Variants in NCAM2 observed in about 807,000 individuals in gnomAD.
NCAM2 encodes neural cell adhesion molecule 2.
In NCAM2, 30 loss-of-function variants were observed where a neutral mutation model predicts 98.1. The observed-to-expected ratio is 0.31, with a 90% CI of 0.23 to 0.41. The LOEUF is 0.41. Among genes scored for constraint, NCAM2 ranks in the 10% least tolerant of loss-of-function variants. The pLI is 1.00. For missense variants in NCAM2, 867 were observed against 1,005.8 expected (o/e 0.86, Z 1.87); for synonymous variants, 368 against 342.4 (o/e 1.07, Z -0.83).
chr21:21,329,842 A>G (rs1376940764), intron 6 of NCAM2, among the ~76,000 whole-genome samples: 1 of 152,146 alleles, frequency 6.6e-6, no homozygotes, highest in East Asian at 1.9e-4. Flanking sequence ...TTTCATAGAA[A>G]TAGGGCTATT....
At chr21:21,125,534 A>ATATTTTACATATAT (rs1569049661) in intron 1 of NCAM2, among the ~76,000 whole-genome samples, 1 of 12,614 alleles carries the variant, frequency 7.9e-5, no homozygotes, top group African/African-American at 1.3e-4. Context: ...GTAATATATA[A>ATATTTTACATATAT]AATATATATT....
At chr21:21,531,670 T>C (rs1989702732) in intron 16 of NCAM2, among the ~76,000 whole-genome samples, 1 of 152,146 alleles carries the variant, frequency 6.6e-6, no homozygotes, top group Non-Finnish European at 1.5e-5. Context: ...TTACATTTTG[T>C]GACTATTTTG....
intron 1 of NCAM2, among the ~76,000 whole-genome samples, chr21:21,088,833 G>A (rs961658136): frequency 4.6e-5 from 7 of 151,994 alleles, no homozygotes; most frequent in South Asian, 2.1e-4. Flanking sequence ...TTAGCCGGGC[G>A]TGGTGGCGGG....
At chr21:21,363,995 A>G (rs1250946658) in intron 8 of NCAM2, among the ~76,000 whole-genome samples, 1 of 152,048 alleles carries the variant, frequency 6.6e-6, no homozygotes, top group Non-Finnish European at 1.5e-5. Context: ...GAGTGTTTGT[A>G]TAAATTACCT....
chr21:21,291,854 A>T (rs2073308180), intron 4 of NCAM2, among the ~76,000 whole-genome samples: 1 of 151,444 alleles, frequency 6.6e-6, no homozygotes, highest in Non-Finnish European at 1.5e-5. Context: ...TAACCATTTT[A>T]TGTGGATATA....
Position 21,392,091 on chromosome 21 carries a change from C to T in NCAM2, c.1195+18078C>T, listed in dbSNP as rs548539202. On this transcript the variant is annotated intron_variant, in intron 9 of 17. Coordinates refer to ENST00000400546, the MANE Select transcript of NCAM2 (RefSeq NM_004540.5). ...CCTATTAGTTATTTTTCCTGATCCT[C>T]TCCACCTCCCACCCTCCACCCTTTG... Among the ~76,000 whole-genome samples the T allele has an allele frequency of 7.2e-5, 11 of 152,250 alleles. No homozygotes were observed. In the East Asian group the frequency reaches 2.1e-3, roughly 29 times the overall value.
At chr21:21,098,380 G>C (rs2066169246) in intron 1 of NCAM2, among the ~76,000 whole-genome samples, 1 of 151,670 alleles carries the variant, frequency 6.6e-6, no homozygotes, top group Non-Finnish European at 1.5e-5. Context: ...CTTCATAATA[G>C]AATAGTTTTG....
rs1246498236 is a variant in NCAM2, at chr21:21,118,386, G to A, written c.55+119768G>A. ...AATAAGCTTAGGAACAAGTGCCTTA[G>A]TAGTTCAGGAAGGAGAGAGGAGATC... On this transcript the variant is annotated intron_variant, in intron 1 of 17. Transcript: ENST00000400546. Among the ~76,000 whole-genome samples the A allele has an allele frequency of 1.2e-4, 18 of 152,228 alleles. No individual in the cohort carries two copies. In the South Asian group the frequency reaches 1.9e-3, roughly 16 times the overall value.
chr21:21,176,672 G>A (rs993738631), intron 1 of NCAM2, among the ~76,000 whole-genome samples: 2 of 151,842 alleles, frequency 1.3e-5, no homozygotes, highest in African/African-American at 2.4e-5. Context: ...TATTTTAAAA[G>A]TGTTTTTTTT....
At position 21,542,300 on chromosome 21, in the gene NCAM2, T is replaced by G. The variant is rs1357703966; in HGVS notation, c.*4343T>G. On this transcript the variant is annotated 3_prime_UTR_variant, in exon 18 of 18. Coordinates refer to ENST00000400546, the MANE Select transcript of NCAM2 (RefSeq NM_004540.5). ...AGAATGCGAATAGATTAATTATATC[T>G]TCTCATATAAAGGCAAAGAATTTTA... 1 of 151,768 alleles carries G rather than the reference T, an allele frequency of 6.6e-6. No homozygotes were observed. Among genetic ancestry groups the G allele is most frequent in the Non-Finnish European group, 1.5e-5 (1 of 67,804 alleles). The allele number at this position is 151,768 out of a possible 1,614,324, so 9.4% of individuals were successfully genotyped here. A position where few individuals can be genotyped will look rare whatever the true frequency, so the allele number is the denominator to read the frequency against.
At chr21:21,535,356 G>A (rs1903268) in intron 17 of NCAM2, among the ~76,000 whole-genome samples, 92,349 of 151,920 alleles carry the variant, frequency 0.61, 28,479 homozygotes, top group Admixed American at 0.69. Flanking sequence ...AACCATGGTG[G>A]TCACACACTT....
intron 5 of NCAM2, among the ~76,000 whole-genome samples, chr21:21,314,341 A>T (rs2074151800): frequency 6.6e-6 from 1 of 151,948 alleles, no homozygotes. Context: ...TTTGGCCTTA[A>T]TGATTTCTGG....
Position 21,375,221 on chromosome 21 carries a change from C to A in NCAM2, c.1195+1208C>A, listed in dbSNP as rs1388589908. On this transcript the variant is annotated intron_variant, in intron 9 of 17. Transcript: ENST00000400546. The stretch of plus-strand genomic sequence containing the variant: ...GATAAAAAGAAAACAAAAACAAAAA[C>A]AAAAAAAAAAACACCCACTGATATA... Among the ~76,000 whole-genome samples, 565 of 134,480 alleles carry A rather than the reference C, an allele frequency of 4.2e-3. 4 individuals are homozygous for A. The highest frequency in any genetic ancestry group is 0.013 in the African/African-American group (475 of 37,376). 88.2% of individuals were successfully genotyped at this position (134,480 alleles called of 152,430 possible). A position where few individuals can be genotyped will look rare whatever the true frequency, so the allele number is the denominator to read the frequency against.
rs577511082 is a variant in NCAM2 at position 21,018,402 on chromosome 21, G to A, written c.55+19784G>A. The stretch of plus-strand genomic sequence containing the variant: ...TTCTTCATTTCAGTTTCTCCAGTTT[G>A]TAATTAAAGAGATGAAGGCTGCTAA... On this transcript the variant is annotated intron_variant, in intron 1 of 17. Coordinates refer to ENST00000400546, the MANE Select transcript of NCAM2 (RefSeq NM_004540.5). 2.0e-5 allele frequency among the ~76,000 whole-genome samples: 3 copies of A among 152,284 alleles called. No homozygotes were observed. In the South Asian group the frequency reaches 6.2e-4, roughly 32 times the overall value.
At chr21:21,377,956 T>C (rs1452021598) in intron 9 of NCAM2, among the ~76,000 whole-genome samples, 2 of 152,018 alleles carry the variant, frequency 1.3e-5, no homozygotes, top group Non-Finnish European at 2.9e-5. Context: ...GTGTTTGGCT[T>C]ATTTAACTGA....
chr21:21,301,367 G>C (rs1192183494), intron 5 of NCAM2, among the ~76,000 whole-genome samples: 2 of 61,714 alleles, frequency 3.2e-5, no homozygotes, highest in East Asian at 5.6e-4. Flanking sequence ...TATAGTTTGG[G>C]GTCTTTTTTT....
intron 6 of NCAM2, among the ~76,000 whole-genome samples, chr21:21,330,654 A>G (rs2074648784): frequency 6.6e-6 from 1 of 152,016 alleles, no homozygotes; most frequent in Non-Finnish European, 1.5e-5. Context: ...TTCTTCTCCA[A>G]CTTTATTTTT....
intron 1 of NCAM2, among the ~76,000 whole-genome samples, chr21:21,019,974 A>G (rs1453317877): frequency 6.6e-6 from 1 of 152,118 alleles, no homozygotes; most frequent in Non-Finnish European, 1.5e-5. Context: ...TTAACTGACT[A>G]ACTGCATAAA....
intron 16 of NCAM2, among the ~76,000 whole-genome samples, chr21:21,520,010 A>G (rs1025390673): frequency 2.0e-5 from 3 of 152,216 alleles, no homozygotes; most frequent in Non-Finnish European, 4.4e-5. Context: ...TTCTATTTTA[A>G]TTTGGTTCTT....
Sources: gnomAD v4.1 joint callset for allele counts (sites outside exome capture counted in the v4.1 genomes callset) on GRCh38, gnomAD v4.1.1 for gene constraint, MANE v1.5 for transcripts, NCBI Gene and HGNC (gene_info 2026-07-23, HGNC 2026-07-21) for gene names.